The following ALK variants were observed in gnomAD, a reference collection of about 807,000 sequenced individuals.
The protein encoded by ALK is ALK tyrosine kinase receptor.
ALK carries 74 observed loss-of-function variants against 163.1 expected under a neutral mutation model. That is an observed-to-expected ratio of 0.45 (90% CI 0.38 to 0.55). ALK has a LOEUF of 0.55. Ranked by LOEUF, ALK falls within the 20% of genes least tolerant of loss-of-function variation. The pLI is 0.00. For synonymous variants in ALK, 960 were observed against 843.2 expected (o/e 1.14, Z -2.40); for missense variants, 2,063 against 2,105.3 (o/e 0.98, Z 0.39).
At chr2:29,328,582 T>A in intron 5 of ALK, 101 bp from the exon 6 acceptor site, 1 of 1,466,674 alleles carries the variant, frequency 6.8e-7, no homozygotes, top group Non-Finnish European at 9.5e-7. Flanking sequence ...GGGACAGCAT[T>A]ATCCTGCCCT....
chr2:29,870,981 G>A (rs543005479), intron 1 of ALK, among the ~76,000 whole-genome samples: 1 of 152,310 alleles, frequency 6.6e-6, no homozygotes, highest in Admixed American at 6.5e-5. Context: ...CTCTTTTGGA[G>A]GAAAGTGAGG....
intron 1 of ALK, among the ~76,000 whole-genome samples, chr2:29,884,643 T>C (rs1666945528): frequency 6.6e-6 from 1 of 152,220 alleles, no homozygotes; most frequent in Non-Finnish European, 1.5e-5. Flanking sequence ...CAAGTTATTA[T>C]GTAACAACTT....
rs1260108362 is a variant in ALK, at chr2:29,251,916, C to T, written c.2042-649G>A. 2.0e-5 allele frequency among the ~76,000 whole-genome samples: 3 copies of T among 152,346 alleles called. No homozygotes were observed. In the South Asian group the frequency reaches 6.2e-4, roughly 32 times the overall value. ...TGGCTTGGCCTGCCTGTCAGACGCT[C>T]CCTAACAGACCTGCAGCAAGGCAGG... is the stretch of plus-strand genomic sequence containing the variant. On this transcript the variant is annotated intron_variant, in intron 11 of 28. Transcript: ENST00000389048.
intron 1 of ALK, among the ~76,000 whole-genome samples, chr2:29,720,185 G>C (rs920294907): frequency 2.6e-5 from 4 of 151,824 alleles, no homozygotes; most frequent in Admixed American, 6.6e-5. Context: ...AATATGAATG[G>C]GGGCCAGATA....
At chr2:29,364,684 C>T (rs1668462273) in intron 5 of ALK, among the ~76,000 whole-genome samples, 2 of 152,192 alleles carry the variant, frequency 1.3e-5, no homozygotes, top group African/African-American at 4.8e-5. Context: ...GTGAGGCCAT[C>T]CTTGTAGAGA....
intron 1 of ALK, among the ~76,000 whole-genome samples, chr2:29,903,990 G>A (rs4635489): frequency 0.065 from 9,866 of 152,164 alleles, 579 homozygotes; most frequent in East Asian, 0.16. Context: ...AAAGACTCAG[G>A]AAGTTTAGGT....
chr2:29,230,474 C>T (rs1204245597), intron 15 of ALK, among the ~76,000 whole-genome samples: 1 of 152,062 alleles, frequency 6.6e-6, no homozygotes, highest in Non-Finnish European at 1.5e-5. Flanking sequence ...GTGTGTCTGC[C>T]GGAACCCTAC....
At position 29,397,461 on chromosome 2, in the gene ALK, T is replaced by G. The variant is rs183632543; in HGVS notation, c.1155-13602A>C. Among the ~76,000 whole-genome samples, 618 of 152,306 alleles carry G rather than the reference T, an allele frequency of 4.1e-3. 4 individuals are homozygous for G. Among genetic ancestry groups the G allele is most frequent in the African/African-American group, 0.014 (581 of 41,570 alleles). On this transcript the variant is annotated intron_variant, in intron 4 of 28. Coordinates refer to ENST00000389048, the MANE Select transcript of ALK (RefSeq NM_004304.5). ...TCTAGCCTCCAGAACTGTGAGACAATGAAGTTCTGTTATTTAAGCCACCAG... is the reference window on the plus strand; with the variant it reads ...TCTAGCCTCCAGAACTGTGAGACAAGGAAGTTCTGTTATTTAAGCCACCAG...
At chr2:29,761,585 T>A (rs533458090) in intron 1 of ALK, among the ~76,000 whole-genome samples, 2 of 152,328 alleles carry the variant, frequency 1.3e-5, no homozygotes, top group East Asian at 3.9e-4. Flanking sequence ...TTGGAAATGT[T>A]CAGTGGAATT....
At chr2:29,683,510 A>C (rs1203679842) in intron 3 of ALK, among the ~76,000 whole-genome samples, 2 of 152,232 alleles carry the variant, frequency 1.3e-5, no homozygotes, top group Non-Finnish European at 2.9e-5. Context: ...ACCTGACCAC[A>C]ACCTTTGCTA....
intron 3 of ALK, 129 bp downstream of exon 3, chr2:29,694,721 C>G (rs1678501202): frequency 4.0e-6 from 5 of 1,262,012 alleles, no homozygotes; most frequent in Non-Finnish European, 5.7e-6. Context: ...TGGAAAGTCA[C>G]AGATATTAAA....
Position 29,758,588 on chromosome 2 carries a change from T to C in ALK, c.668-40891A>G, listed in dbSNP as rs567509679. ...TTTCTGGATCTCATCCCTTTCTGCATTGAATACAGGCACCTGGCCCTCTCC... is the reference window on the plus strand; with the variant it reads ...TTTCTGGATCTCATCCCTTTCTGCACTGAATACAGGCACCTGGCCCTCTCC... On this transcript the variant is annotated intron_variant, in intron 1 of 28. Transcript: ENST00000389048. 3.3e-5 allele frequency among the ~76,000 whole-genome samples: 5 copies of C among 152,174 alleles called. No homozygotes were observed. In the South Asian group the frequency reaches 1.0e-3, roughly 32 times the overall value.
chr2:29,591,692 G>A (rs1016884404), intron 3 of ALK, among the ~76,000 whole-genome samples: 5 of 152,178 alleles, frequency 3.3e-5, no homozygotes, highest in Non-Finnish European at 7.4e-5. Context: ...CAACGAGAGA[G>A]AAATGAAAGG....
Position 29,297,064 on chromosome 2 carries a change from G to C in ALK, c.1648-7C>G. On this transcript the variant is annotated splice_region_variant and splice_polypyrimidine_tract_variant and intron_variant, in intron 8 of 28. Coordinates refer to ENST00000389048, the MANE Select transcript of ALK (RefSeq NM_004304.5). ...TGAGCCAGGACATTCGGAGCTGTGA[G>C]GGCGAGAAGAGTCAGAGGACAAGGT... The C allele has an allele frequency of 6.2e-7, 1 of 1,614,158 alleles. No homozygotes were observed. Among genetic ancestry groups the C allele is most frequent in the Non-Finnish European group, 8.5e-7 (1 of 1,180,022 alleles).
intron 1 of ALK, among the ~76,000 whole-genome samples, chr2:29,904,480 AAAT>A: frequency 6.6e-6 from 1 of 152,304 alleles, no homozygotes; most frequent in South Asian, 2.1e-4. Context: ...AAGCCACAAA[AAAT>A]AATGAGGGGA....
At chr2:29,592,547 C>T (rs145320013) in intron 3 of ALK, among the ~76,000 whole-genome samples, 124 of 152,298 alleles carry the variant, frequency 8.1e-4, no homozygotes, top group African/African-American at 2.9e-3. Flanking sequence ...GCCACAAAGC[C>T]TCCTTCTCCT....
intron 3 of ALK, among the ~76,000 whole-genome samples, chr2:29,607,260 C>A (rs1675565624): frequency 6.6e-6 from 1 of 152,156 alleles, no homozygotes; most frequent in Non-Finnish European, 1.5e-5. Flanking sequence ...GTGGTAATAA[C>A]AGAAGTGGGG....
At chr2:29,707,100 C>A (rs1335313523) in intron 2 of ALK, among the ~76,000 whole-genome samples, 1 of 151,236 alleles carries the variant, frequency 6.6e-6, no homozygotes, top group Admixed American at 6.6e-5. Context: ...GCAGTTGTAT[C>A]ACTGCTCAAT....
intron 3 of ALK, among the ~76,000 whole-genome samples, chr2:29,643,372 G>A (rs894607292): frequency 1.3e-5 from 2 of 152,180 alleles, no homozygotes; most frequent in African/African-American, 2.4e-5. Context: ...ATGAAGACAA[G>A]TAATTCAAAA....
Sources: gnomAD v4.1 joint callset for allele counts (sites outside exome capture counted in the v4.1 genomes callset) on GRCh38, gnomAD v4.1.1 for gene constraint, MANE v1.5 for transcripts, NCBI Gene and HGNC (gene_info 2026-07-23, HGNC 2026-07-21) for gene names.